Variants in RFX4 observed in about 807,000 individuals in gnomAD.
The protein encoded by RFX4 is transcription factor RFX4.
A neutral mutation model predicts 95.0 loss-of-function variants in RFX4; 10 were observed. The observed-to-expected ratio is 0.11, with a 90% CI of 0.06 to 0.18. The LOEUF is 0.18. Among genes scored for constraint, RFX4 ranks in the 10% least tolerant of loss-of-function variants. The pLI, the probability that RFX4 is intolerant of heterozygous loss-of-function variation, is 1.00. For synonymous variants in RFX4, 321 were observed against 340.7 expected, an observed-to-expected ratio of 0.94 and a Z score of 0.64; for missense variants, 640 against 922.0, an observed-to-expected ratio of 0.69 and a Z score of 3.96.
chr12:106,586,564 C>T lies in RFX4; in HGVS notation c.43+3201C>T, dbSNP rs900364068. 6.6e-6 allele frequency among the ~76,000 whole-genome samples: 1 copy of T among 151,996 alleles called. No individual in the cohort carries two copies. Among genetic ancestry groups the T allele is most frequent in the East Asian group, 1.9e-4 (1 of 5,168 alleles). On this transcript the variant is annotated intron_variant, in intron 1 of 17. Coordinates refer to ENST00000392842, the MANE Select transcript of RFX4 (RefSeq NM_213594.3). This position sits in a 1 kb window ranked among gnomAD's most constrained non-coding sequence, Gnocchi z 5.6. Reference sequence around the variant, plus strand: ...CGCGTTAGAGAGGGCCACTGCCAAGCTGGAGCTGGAAACTTCTGCCTCCAT... The same window carrying T: ...CGCGTTAGAGAGGGCCACTGCCAAGTTGGAGCTGGAAACTTCTGCCTCCAT...
chr12:106,596,041 C>T (rs190094835), intron 1 of RFX4, among the ~76,000 whole-genome samples: 4 of 152,182 alleles, frequency 2.6e-5, no homozygotes, highest in Admixed American at 6.5e-5. Context: ...GCAAGGAGAA[C>T]CTTGTGGTCC....
intron 4 of RFX4, among the ~76,000 whole-genome samples, chr12:106,663,977 T>G (rs1428143241): frequency 1.3e-5 from 2 of 151,892 alleles, no homozygotes; most frequent in African/African-American, 4.8e-5. Context: ...AATATTCTGT[T>G]AAGAATTTTT....
At chr12:106,585,016 C>G (rs2039433795) in intron 1 of RFX4, among the ~76,000 whole-genome samples, 1 of 152,250 alleles carries the variant, frequency 6.6e-6, no homozygotes, top group Admixed American at 6.5e-5. Context: ...CCTTTTCCAC[C>G]ATTTTTTCAT....
intron 15 of RFX4, among the ~76,000 whole-genome samples, chr12:106,745,782 G>A (rs894261040): frequency 4.6e-5 from 7 of 152,202 alleles, no homozygotes; most frequent in African/African-American, 1.4e-4. Flanking sequence ...TGTTTTCCAT[G>A]TACCTAAAGG....
chr12:106,676,762 TAGAAG>T (rs968439803), intron 4 of RFX4, among the ~76,000 whole-genome samples: 8 of 152,278 alleles, frequency 5.3e-5, no homozygotes, highest in South Asian at 4.1e-4. Flanking sequence ...GTGAGGAGAA[TAGAAG>T]AGAAATCTTC....
At chr12:106,711,645 G>T in intron 10 of RFX4, 134 bp downstream of exon 10, 1 of 692,990 alleles carries the variant, frequency 1.4e-6, no homozygotes, top group Non-Finnish European at 2.5e-6. Context: ...AATTTCTACA[G>T]ATAAGGAATG....
chr12:106,623,366 C>G (rs545448450), intron 2 of RFX4, among the ~76,000 whole-genome samples: 21 of 152,254 alleles, frequency 1.4e-4, no homozygotes, highest in African/African-American at 5.1e-4. Context: ...GTCTACCTCT[C>G]AGAAAGTAAT....
intron 2 of RFX4, 128 bp downstream of exon 2, chr12:106,609,011 G>C: frequency 2.7e-6 from 2 of 730,956 alleles, no homozygotes; most frequent in Middle Eastern, 2.4e-4. Flanking sequence ...AGCTATTTAT[G>C]AAATATCCCA....
At chr12:106,727,269 A>T (rs561237794) in intron 13 of RFX4, among the ~76,000 whole-genome samples, 3 of 152,332 alleles carry the variant, frequency 2.0e-5, no homozygotes, top group African/African-American at 7.2e-5. Flanking sequence ...AAAGCATTTG[A>T]TACATTTCAG....
rs1307082115 is a variant in RFX4 at position 106,749,325 on chromosome 12, G to A, written c.1797-1330G>A. Among the ~76,000 whole-genome samples the A allele has an allele frequency of 2.0e-5, 3 of 151,838 alleles. No homozygotes were observed. In the South Asian group the frequency reaches 6.2e-4, roughly 32 times the overall value. ...AGTGGGCCTCACCACTCACAGGCCAGGTTCCAACAGACCAGTTGTGGGGGA... is the reference window on the plus strand; with the variant it reads ...AGTGGGCCTCACCACTCACAGGCCAAGTTCCAACAGACCAGTTGTGGGGGA... On this transcript the variant is annotated intron_variant, in intron 16 of 17. Transcript: ENST00000392842.
chr12:106,655,230 A>G (rs11113073), intron 4 of RFX4, among the ~76,000 whole-genome samples: 3 of 152,230 alleles, frequency 2.0e-5, no homozygotes, highest in African/African-American at 7.2e-5. Flanking sequence ...GGAGAGCCCA[A>G]AAATGGAGTG....
intron 4 of RFX4, among the ~76,000 whole-genome samples, chr12:106,678,253 C>G (rs2041436126): frequency 6.6e-6 from 1 of 152,148 alleles, no homozygotes; most frequent in Non-Finnish European, 1.5e-5. Context: ...CAGTCGGCAA[C>G]CCCTGGTACC....
At chr12:106,740,211 A>G (rs993584926) in intron 15 of RFX4, among the ~76,000 whole-genome samples, 1 of 152,266 alleles carries the variant, frequency 6.6e-6, no homozygotes, top group Non-Finnish European at 1.5e-5. Flanking sequence ...ACTGTAGAAC[A>G]TCTGGCCTGC....
At chr12:106,632,070 A>G (rs2040426377) in intron 2 of RFX4, among the ~76,000 whole-genome samples, 1 of 152,240 alleles carries the variant, frequency 6.6e-6, no homozygotes, top group African/African-American at 2.4e-5. Context: ...ATGTTGTTCA[A>G]GGTCACGTGG....
chr12:106,711,567 G>A (rs1565990449), intron 10 of RFX4, 56 bp downstream of exon 10: 2 of 1,486,820 alleles, frequency 1.3e-6, no homozygotes, highest in Admixed American at 3.4e-5. Flanking sequence ...AAATGAGGGG[G>A]CAAATCCACA....
Position 106,676,606 on chromosome 12 carries a change from G to A in RFX4, c.316-5387G>A, listed in dbSNP as rs557522559. ...AGATGATCACTTGAGTGGGTGCAGG[G>A]AAATTTCATCCAGGAGGAGACACGG... On this transcript the variant is annotated intron_variant, in intron 4 of 17. Transcript: ENST00000392842. 7.9e-5 allele frequency among the ~76,000 whole-genome samples: 12 copies of A among 152,264 alleles called. No homozygotes were observed. The South Asian group carries it at 2.1e-3, about 26-fold the overall frequency.
At chr12:106,619,806 T>C (rs1292204544) in intron 2 of RFX4, among the ~76,000 whole-genome samples, 1 of 152,198 alleles carries the variant, frequency 6.6e-6, no homozygotes, top group Non-Finnish European at 1.5e-5. Flanking sequence ...TGTATTTTTT[T>C]AATTGACCTG....
At chr12:106,698,294 T>C (rs764032062) in intron 8 of RFX4, among the ~76,000 whole-genome samples, 3 of 151,788 alleles carry the variant, frequency 2.0e-5, no homozygotes, top group African/African-American at 7.3e-5. Context: ...TTTTTTAAGA[T>C]GAGGTCTTGT....
chr12:106,710,200 G>A (rs866778233), intron 9 of RFX4, among the ~76,000 whole-genome samples: 1 of 152,182 alleles, frequency 6.6e-6, no homozygotes. Flanking sequence ...TGAATACAAC[G>A]GCTTGCTATT....
Sources: gnomAD v4.1 joint callset for allele counts (sites outside exome capture counted in the v4.1 genomes callset) on GRCh38, gnomAD v4.1.1 for gene constraint, Gnocchi (gnomAD v3.1) non-coding constraint, MANE v1.5 for transcripts, NCBI Gene and HGNC (gene_info 2026-07-23, HGNC 2026-07-21) for gene names.